MAMLD1: variants seen among roughly 807,000 people sequenced by gnomAD.
The protein encoded by MAMLD1 is mastermind-like domain-containing protein 1.
Under a neutral mutation model 45.0 loss-of-function variants are expected in MAMLD1, and 14 were observed. The observed-to-expected ratio is 0.31, with a 90% CI of 0.21 to 0.49. The LOEUF is 0.49. Among genes scored for constraint, MAMLD1 ranks in the 20% least tolerant of loss-of-function variants. The pLI, the probability that MAMLD1 is intolerant of heterozygous loss-of-function variation, is 0.99. For synonymous variants in MAMLD1, 254 were observed against 247.8 expected, an observed-to-expected ratio of 1.02 and a Z score of -0.24; for missense variants, 543 against 603.6, an observed-to-expected ratio of 0.90 and a Z score of 1.05.
intron 5 of MAMLD1, among the ~76,000 whole-genome samples, chrX:150,477,549 G>A (rs1402412292): frequency 8.9e-6 from 1 of 111,783 alleles, no homozygotes; most frequent in Non-Finnish European, 1.9e-5. Flanking sequence ...AGCAGCCAAG[G>A]CAGCAGACAC....
intron 6 of MAMLD1, among the ~76,000 whole-genome samples, chrX:150,507,045 T>G (rs782668484): frequency 1.8e-5 from 2 of 112,095 alleles, no homozygotes; most frequent in Admixed American, 9.4e-5. Context: ...GGGGTCACCA[T>G]GAGAGAAGCA....
chrX:150,393,152 T>C (rs1437501548), intron 1 of MAMLD1, among the ~76,000 whole-genome samples: 6 of 112,163 alleles, frequency 5.3e-5, no homozygotes, highest in Non-Finnish European at 1.1e-4. Flanking sequence ...TTTTACTACC[T>C]TCATAGTTTT....
chrX:150,460,523 G>A (rs1447306059), intron 2 of MAMLD1, among the ~76,000 whole-genome samples: 3 of 112,068 alleles, frequency 2.7e-5, no homozygotes, highest in Non-Finnish European at 5.6e-5. Flanking sequence ...CCCAAGGAGT[G>A]CTAATGCAGA....
In MAMLD1 at chrX:150,403,960, G is replaced by GAAAGAAAGAAAGAAAGAAAGAA. The variant is rs1557402572; in HGVS notation, c.-64+40432_-64+40453dup. 1.8e-3 allele frequency among the ~76,000 whole-genome samples: 147 copies of GAAAGAAAGAAAGAAAGAAAGAA among 81,019 alleles called. 1 individual carries two copies. The highest frequency in any genetic ancestry group is 4.4e-3 in the South Asian group (8 of 1,829). The allele number at this position is 81,019 out of a possible 115,157, so 70.4% of individuals were successfully genotyped here. A position where few individuals can be genotyped will look rare whatever the true frequency, so the allele number is the denominator to read the frequency against. On this transcript the variant is annotated intron_variant, in intron 1 of 7. Transcript: ENST00000370401. ...GAAAGAAAAGAAAGAAAGAAAGAAA[G>GAAAGAAAGAAAGAAAGAAAGAA]AAAGAAAGAAAGAAAGAAAGAAAGA...
At chrX:150,399,491 A>G (rs1227227066) in intron 1 of MAMLD1, among the ~76,000 whole-genome samples, 4 of 112,107 alleles carry the variant, frequency 3.6e-5, no homozygotes, top group African/African-American at 1.3e-4. Flanking sequence ...GGATCTTTGC[A>G]GATGTAATCA....
intron 3 of MAMLD1, 26 bp from the exon 4 acceptor site, chrX:150,469,719 C>CCTCTT (rs1224948817): frequency 8.6e-7 from 1 of 1,168,074 alleles, no homozygotes. Flanking sequence ...CCTCTCTTCT[C>CCTCTT]CTCTTCTCTT....
At chrX:150,382,704 T>C (rs1557401773) in intron 1 of MAMLD1, among the ~76,000 whole-genome samples, 1 of 111,300 alleles carries the variant, frequency 9.0e-6, no homozygotes, top group African/African-American at 3.2e-5. Context: ...TCTTTTTTTC[T>C]GAATTCTTTT....
intron 5 of MAMLD1, among the ~76,000 whole-genome samples, chrX:150,491,724 G>A (rs1557407951): frequency 8.9e-6 from 1 of 111,892 alleles, no homozygotes; most frequent in African/African-American, 3.3e-5. Flanking sequence ...AGCTGGCTTG[G>A]CTTCTGGTGG....
chrX:150,508,377 G>A (rs930725550), intron 6 of MAMLD1, among the ~76,000 whole-genome samples: 5 of 85,236 alleles, frequency 5.9e-5, no homozygotes, highest in African/African-American at 2.2e-4. Context: ...ACCCCTTGCC[G>A]CCTTGCCAAT....
chrX:150,401,768 A>G (rs1428476742), intron 1 of MAMLD1, among the ~76,000 whole-genome samples: 3 of 111,599 alleles, frequency 2.7e-5, no homozygotes, highest in Admixed American at 9.5e-5. Flanking sequence ...ATAATGCTGC[A>G]TATCTACAAC....
At chrX:150,433,582 C>T (rs2035024717) in intron 1 of MAMLD1, among the ~76,000 whole-genome samples, 2 of 111,605 alleles carry the variant, frequency 1.8e-5, no homozygotes, top group Non-Finnish European at 3.8e-5. Flanking sequence ...AAGTATGTCC[C>T]TTCAATGCCT....
intron 5 of MAMLD1, among the ~76,000 whole-genome samples, chrX:150,489,926 C>T (rs1199514066): frequency 1.8e-5 from 2 of 111,207 alleles, no homozygotes; most frequent in African/African-American, 6.6e-5. Context: ...TAAGAAGAGT[C>T]TCAGACAGTA....
At chrX:150,418,337 T>C (rs1168482129) in intron 1 of MAMLD1, among the ~76,000 whole-genome samples, 3 of 110,682 alleles carry the variant, frequency 2.7e-5, no homozygotes, top group African/African-American at 9.9e-5. Context: ...CTTTTCTTCT[T>C]TATTAGTCTT....
intron 1 of MAMLD1, among the ~76,000 whole-genome samples, chrX:150,411,780 C>G (rs369491843): frequency 9.0e-6 from 1 of 111,250 alleles, no homozygotes; most frequent in African/African-American, 3.3e-5. Flanking sequence ...CTTGCTTCCC[C>G]GGTCCCAGCA....
chrX:150,490,776 A>G (rs1452401122), intron 5 of MAMLD1, among the ~76,000 whole-genome samples: 1 of 112,007 alleles, frequency 8.9e-6, no homozygotes, highest in African/African-American at 3.3e-5. Context: ...AGACATAAAA[A>G]TCTTCAACAA....
rs901274776 is a variant in MAMLD1 at position 150,416,474 on chromosome X, C to G, written c.-63-28980C>G. On this transcript the variant is annotated intron_variant, in intron 1 of 7. Transcript: ENST00000370401. ...TTCCAGCTCTCTTAGAAGCCAAAAG[C>G]TGGCTGGCTGCAAAACACTCGTCTT... is the stretch of plus-strand genomic sequence containing the variant. Among the ~76,000 whole-genome samples, 3 of 112,197 alleles carry G rather than the reference C, an allele frequency of 2.7e-5. No individual in the cohort carries two copies. In the Admixed American group the frequency reaches 2.8e-4, roughly 11 times the overall value.
chrX:150,501,182 T>G (rs1224528897), intron 5 of MAMLD1, among the ~76,000 whole-genome samples: 5 of 112,370 alleles, frequency 4.4e-5, no homozygotes, highest in Non-Finnish European at 9.4e-5. Context: ...CAGGGATTCC[T>G]GAGCAAAAGC....
rs199765134 is a variant in MAMLD1, at chrX:150,436,150, A to AT, written c.-63-9291dup. Among the ~76,000 whole-genome samples the AT allele has an allele frequency of 1.8e-3, 178 of 96,801 alleles. 1 individual carries two copies. Among genetic ancestry groups the AT allele is most frequent in the East Asian group, 0.015 (47 of 3,083 alleles). 84.1% of individuals were successfully genotyped at this position (96,801 alleles called of 115,157 possible). On this transcript the variant is annotated intron_variant, in intron 1 of 7. Coordinates refer to ENST00000370401, the MANE Select transcript of MAMLD1 (RefSeq NM_005491.5). ...CTTTTCTTTATCTGCCTTTAACATG[A>AT]TTTTTTTTTTTTTCATTTCGATCTT... is the stretch of plus-strand genomic sequence containing the variant.
intron 1 of MAMLD1, among the ~76,000 whole-genome samples, chrX:150,398,376 AGAAGAAGAG>A (rs1569564643): frequency 6.4e-5 from 7 of 109,143 alleles, no homozygotes; most frequent in African/African-American, 2.0e-4. Flanking sequence ...AGGAAGAGGA[AGAAGAAGAG>A]GAAGAAGAAG....
Sources: gnomAD v4.1 joint callset for allele counts (sites outside exome capture counted in the v4.1 genomes callset) on GRCh38, gnomAD v4.1.1 for gene constraint, MANE v1.5 for transcripts, NCBI Gene and HGNC (gene_info 2026-07-23, HGNC 2026-07-21) for gene names.